Variants in RNLS observed in about 807,000 individuals in gnomAD.
The protein encoded by RNLS is renalase.
A neutral mutation model predicts 39.8 loss-of-function variants in RNLS; 39 were observed. The observed-to-expected ratio is 0.98, with a 90% CI of 0.76 to 1.28. RNLS has a LOEUF of 1.28. Among genes scored for constraint, RNLS ranks in the 50% most tolerant of loss-of-function variants. The probability of loss-of-function intolerance (pLI) is 0.00; values close to 1 mark genes in which losing one functional copy is unlikely to be tolerated. For missense variants in RNLS, 410 were observed against 413.3 expected (o/e 0.99, Z 0.07); for synonymous variants, 147 against 150.7 (o/e 0.98, Z 0.18).
chr10:88,551,673 T>C (rs1483421917), intron 4 of RNLS, among the ~76,000 whole-genome samples: 1 of 151,448 alleles, frequency 6.6e-6, no homozygotes, highest in Admixed American at 6.6e-5. Context: ...CTGGAGAAAA[T>C]GACTGGTTGC....
intron 5 of RNLS, among the ~76,000 whole-genome samples, chr10:88,346,838 C>T (rs1184182515): frequency 6.6e-6 from 1 of 152,110 alleles, no homozygotes; most frequent in East Asian, 1.9e-4. Flanking sequence ...GGCATGTATT[C>T]CCACTAATGG....
chr10:88,234,663 T>C, the RNLS span, among the ~76,000 whole-genome samples: 6 of 152,144 alleles, frequency 3.9e-5, no homozygotes, highest in Non-Finnish European at 8.8e-5. Flanking sequence ...GCTCAGCCTG[T>C]AGGAAATGTA....
intron 5 of RNLS, among the ~76,000 whole-genome samples, chr10:88,332,367 C>G (rs369232189): frequency 6.6e-6 from 1 of 152,232 alleles, no homozygotes. Context: ...ATGGGCCATG[C>G]GGAGAAAAGA....
At chr10:88,443,568 A>G (rs1841854065) in intron 4 of RNLS, among the ~76,000 whole-genome samples, 1 of 152,242 alleles carries the variant, frequency 6.6e-6, no homozygotes, top group Admixed American at 6.5e-5. Context: ...TTCATAGCCA[A>G]GCAAAGCTGT....
the RNLS span, among the ~76,000 whole-genome samples, chr10:88,183,973 T>G: frequency 6.6e-6 from 1 of 152,122 alleles, no homozygotes; most frequent in Admixed American, 6.6e-5. Flanking sequence ...TGCAACTGTT[T>G]GAGTGCCTTC....
At chr10:88,179,186 C>G in the RNLS span, among the ~76,000 whole-genome samples, 2 of 152,010 alleles carry the variant, frequency 1.3e-5, no homozygotes. Context: ...ATGGGAGTAC[C>G]AGATTGAGGG....
At chr10:88,496,338 A>T (rs1038520203) in intron 4 of RNLS, among the ~76,000 whole-genome samples, 2 of 152,166 alleles carry the variant, frequency 1.3e-5, no homozygotes, top group African/African-American at 2.4e-5. Flanking sequence ...AATTTCCAAG[A>T]GAACTATTTA....
chr10:88,274,938 T>G (rs750530198), exon 7 of RNLS: 1 of 1,590,884 alleles, frequency 6.3e-7, no homozygotes, highest in South Asian at 1.1e-5. Flanking sequence ...AAAACCTGAC[T>G]GTGTGCTCCA....
At chr10:88,408,172 G>A (rs1245448032) in intron 4 of RNLS, among the ~76,000 whole-genome samples, 2 of 151,990 alleles carry the variant, frequency 1.3e-5, no homozygotes, top group Admixed American at 6.6e-5. Context: ...TAATCATGGC[G>A]GCTTTATGTA....
At chr10:88,334,243 C>T (rs1847322868) in intron 5 of RNLS, among the ~76,000 whole-genome samples, 1 of 152,156 alleles carries the variant, frequency 6.6e-6, no homozygotes, top group East Asian at 1.9e-4. Context: ...GTAATGTTTG[C>T]TAATCTGTTA....
intron 4 of RNLS, among the ~76,000 whole-genome samples, chr10:88,481,368 T>C (rs897518804): frequency 6.6e-6 from 1 of 152,186 alleles, no homozygotes; most frequent in African/African-American, 2.4e-5. Flanking sequence ...AAGCCTCTTG[T>C]GTTTTTTTGT....
the RNLS span, among the ~76,000 whole-genome samples, chr10:88,262,321 G>A: frequency 6.6e-6 from 1 of 152,140 alleles, no homozygotes; most frequent in Non-Finnish European, 1.5e-5. Context: ...AAGGAACAAT[G>A]TTCATTAGCT....
chr10:88,473,474 A>G (rs539351725), intron 4 of RNLS, among the ~76,000 whole-genome samples: 4 of 152,256 alleles, frequency 2.6e-5, no homozygotes. Flanking sequence ...TTGATGTTAT[A>G]AAATGATGGT....
chr10:88,561,934 T>A (rs527748940), intron 4 of RNLS, among the ~76,000 whole-genome samples: 2 of 152,276 alleles, frequency 1.3e-5, no homozygotes, highest in African/African-American at 4.8e-5. Context: ...GAAAAGAGGC[T>A]CAATTTTACT....
chr10:88,313,515 T>C (rs1845536405), intron 6 of RNLS, among the ~76,000 whole-genome samples: 1 of 152,224 alleles, frequency 6.6e-6, no homozygotes. Context: ...CACTGTGTAA[T>C]TTGACTTGAG....
chr10:88,412,148 CA>C (rs1439577554), intron 4 of RNLS, among the ~76,000 whole-genome samples: 1 of 151,932 alleles, frequency 6.6e-6, no homozygotes, highest in African/African-American at 2.4e-5. Flanking sequence ...AGATTGAAGG[CA>C]GGGGGGTCAG....
At chr10:88,221,105 G>C in the RNLS span, among the ~76,000 whole-genome samples, 1 of 152,084 alleles carries the variant, frequency 6.6e-6, no homozygotes, top group Non-Finnish European at 1.5e-5. Flanking sequence ...CCCCCTACTT[G>C]GCATGCCCTC....
chr10:88,200,964 T>C, the RNLS span, among the ~76,000 whole-genome samples: 2 of 150,506 alleles, frequency 1.3e-5, no homozygotes, highest in Non-Finnish European at 3.0e-5. Flanking sequence ...TTTTCAAAGA[T>C]AAAAGTCAAT....
At chr10:88,331,184 T>C (rs1448602304) in intron 5 of RNLS, among the ~76,000 whole-genome samples, 5 of 152,210 alleles carry the variant, frequency 3.3e-5, no homozygotes, top group Non-Finnish European at 7.3e-5. Flanking sequence ...CAACTTTATA[T>C]TAAAAGTTCA....
Sources: allele counts gnomAD v4.1 joint callset (sites outside exome capture counted in the v4.1 genomes callset), GRCh38; gene constraint gnomAD v4.1.1; transcripts MANE v1.5; gene names NCBI Gene and HGNC (gene_info 2026-07-23, HGNC 2026-07-21).